Variants in SUN1 observed in about 807,000 individuals in gnomAD.
SUN1 encodes SUN domain-containing protein 1.
In SUN1, 61 loss-of-function variants were observed where a neutral mutation model predicts 103.2. That is an observed-to-expected ratio of 0.59 (90% CI 0.48 to 0.73). SUN1 has a LOEUF of 0.73. Ranked by LOEUF, SUN1 falls within the 30% of genes least tolerant of loss-of-function variation. The pLI is 0.00. For synonymous variants in SUN1, 490 were observed against 425.7 expected, an observed-to-expected ratio of 1.15 and a Z score of -1.86; for missense variants, 1,052 against 1,034.6, an observed-to-expected ratio of 1.02 and a Z score of -0.23.
At chr7:839,010 C>T (rs763835924) in intron 2 of SUN1, 24 bp downstream of exon 2, 3 of 1,513,034 alleles carry the variant, frequency 2.0e-6, no homozygotes, top group African/African-American at 2.8e-5. Context: ...CACTTCCTCT[C>T]CATCTGATCT....
At chr7:830,320 G>T (rs1796758486), upstream of SUN1, among the ~76,000 whole-genome samples, 1 of 152,200 alleles carries the variant, frequency 6.6e-6, no homozygotes, top group African/African-American at 2.4e-5. Context: ...TCAGGGTGGG[G>T]TTATTTTCTA....
At chr7:835,490 A>G (rs1802172538) in intron 1 of SUN1, among the ~76,000 whole-genome samples, 1 of 152,194 alleles carries the variant, frequency 6.6e-6, no homozygotes, top group Non-Finnish European at 1.5e-5. Context: ...CTCTTTCACA[A>G]TTAATTTTTT....
intron 1 of SUN1, among the ~76,000 whole-genome samples, chr7:818,467 T>C (rs1782953200): frequency 6.6e-6 from 1 of 152,256 alleles, no homozygotes; most frequent in Admixed American, 6.5e-5. Flanking sequence ...TGTTTGCACC[T>C]GTTGGCTAGT....
chr7:828,517 C>G (rs1275251740), upstream of SUN1, among the ~76,000 whole-genome samples: 1 of 152,204 alleles, frequency 6.6e-6, no homozygotes, highest in Non-Finnish European at 1.5e-5. Flanking sequence ...GGTGGTCTGC[C>G]TGCCTCTGCC....
At chr7:850,117 T>G (rs1820498196) in intron 5 of SUN1, 1 of 1,268,126 alleles carries the variant, frequency 7.9e-7, no homozygotes, top group African/African-American at 1.5e-5. Context: ...GGAATTCAAG[T>G]GCTTTAAAGT....
In SUN1 at chr7:851,928, T is replaced by C. The variant is rs1212274062; in HGVS notation, c.758-22T>C. ...TTTTCCTAAAAACATTTCCTTAGAA[T>C]GTTTGGTGTTTTCTCTTGTAGGGAA... On this transcript the variant is annotated intron_variant, in intron 6 of 18. Transcript: ENST00000401592. 3.1e-6 allele frequency: 5 copies of C among 1,610,614 alleles called. No individual in the cohort carries two copies. In the Admixed American group the frequency reaches 6.7e-5, roughly 22 times the overall value.
At chr7:846,601 A>T (rs1464973863) in intron 5 of SUN1, among the ~76,000 whole-genome samples, 1 of 152,004 alleles carries the variant, frequency 6.6e-6, no homozygotes, top group Non-Finnish European at 1.5e-5. Flanking sequence ...TAGGCTGGGT[A>T]CTGTGGCTCA....
rs1554263715 is a variant in SUN1, at chr7:854,906, T to G, written c.1264-14T>G. On this transcript the variant is annotated splice_polypyrimidine_tract_variant and intron_variant, in intron 10 of 18. Coordinates refer to ENST00000401592, the MANE Select transcript of SUN1 (RefSeq NM_001130965.3). ...ACTTTCTCCATCATTTGTTCACTCC[T>G]TCTCTTTCCTAAGACTGACTTTATG... is the stretch of plus-strand genomic sequence containing the variant. 1.9e-5 allele frequency: 30 copies of G among 1,602,808 alleles called. No individual in the cohort carries two copies. The highest frequency in any genetic ancestry group is 2.4e-5 in the Non-Finnish European group (28 of 1,172,750).
At chr7:854,877 C>A (rs750460212) in intron 10 of SUN1, 43 bp from the exon 11 acceptor site, 1 of 1,500,266 alleles carries the variant, frequency 6.7e-7, no homozygotes, top group Non-Finnish European at 9.2e-7. Context: ...GTTTTTGTTG[C>A]TTAACTTTCT....
chr7:835,734 T>A (rs959485314), intron 1 of SUN1, among the ~76,000 whole-genome samples: 28 of 152,230 alleles, frequency 1.8e-4, no homozygotes, highest in African/African-American at 6.3e-4. Flanking sequence ...CTGATGGATG[T>A]TGTCAGCTTG....
chr7:842,989 G>A lies in SUN1; in HGVS notation c.452-217G>A, dbSNP rs141073972. ...TAGGCCAGGTGCTGTGTGTGCTGCC[G>A]TCTGTCTGTATTTTCTTCAAGGATA... is the stretch of plus-strand genomic sequence containing the variant. On this transcript the variant is annotated intron_variant, in intron 3 of 18. Coordinates refer to ENST00000401592, the MANE Select transcript of SUN1 (RefSeq NM_001130965.3). 337 of 674,340 alleles carry A rather than the reference G, an allele frequency of 5.0e-4. 2 individuals are homozygous for A. The East Asian group carries it at 7.8e-3, about 16-fold the overall frequency. The allele number at this position is 674,340 out of a possible 1,614,324, so 41.8% of individuals were successfully genotyped here.
upstream of SUN1, among the ~76,000 whole-genome samples, chr7:828,236 ATG>A (rs1794467342): frequency 7.4e-6 from 1 of 135,944 alleles, no homozygotes; most frequent in African/African-American, 2.8e-5. Flanking sequence ...TAGGATATAT[ATG>A]TATGTTTTTG....
intron 1 of SUN1, among the ~76,000 whole-genome samples, chr7:822,597 G>T (rs1787301584): frequency 6.7e-6 from 1 of 150,316 alleles, no homozygotes; most frequent in Non-Finnish European, 1.5e-5. Flanking sequence ...TGTATCTGCA[G>T]TATGAAAAAC....
At chr7:837,990 A>G (rs1805140295) in intron 1 of SUN1, among the ~76,000 whole-genome samples, 1 of 152,246 alleles carries the variant, frequency 6.6e-6, no homozygotes, top group African/African-American at 2.4e-5. Context: ...CTCAGCCTCT[A>G]AGTTAAAGAA....
In SUN1 at chr7:874,116, T is replaced by C. The variant is rs1410970615; in HGVS notation, c.*785T>C. The stretch of plus-strand genomic sequence containing the variant: ...AAACCCAAAAATCTCATCTTGGGTG[T>C]TTTCAGGGCTTGTTTTGAGTTTTGC... On this transcript the variant is annotated 3_prime_UTR_variant, in exon 19 of 19. Transcript: ENST00000401592. 4 of 152,234 alleles carry C rather than the reference T, an allele frequency of 2.6e-5. No individual in the cohort carries two copies. Among genetic ancestry groups the C allele is most frequent in the African/African-American group, 9.7e-5 (4 of 41,444 alleles). 9.4% of individuals were successfully genotyped at this position (152,234 alleles called of 1,614,324 possible).
chr7:816,564 G>A (rs2128100360), upstream of SUN1: 1 of 395,394 alleles, frequency 2.5e-6, no homozygotes, highest in East Asian at 1.4e-4. Flanking sequence ...GAAGGCCTGC[G>A]TTGCTCCCGC....
At chr7:818,637 G>T (rs967261449) in intron 1 of SUN1, among the ~76,000 whole-genome samples, 1 of 152,110 alleles carries the variant, frequency 6.6e-6, no homozygotes, top group Non-Finnish European at 1.5e-5. Context: ...CACAGTGTCC[G>T]CACCATTTTA....
chr7:868,217 C>T (rs966354709), intron 16 of SUN1, among the ~76,000 whole-genome samples: 21 of 152,258 alleles, frequency 1.4e-4, no homozygotes, highest in Non-Finnish European at 2.4e-4. Flanking sequence ...TCCTCCGTTG[C>T]GCACAGCAAC....
upstream of SUN1, among the ~76,000 whole-genome samples, chr7:828,898 G>A (rs1445305637): frequency 6.6e-6 from 1 of 152,194 alleles, no homozygotes; most frequent in African/African-American, 2.4e-5. Flanking sequence ...CATGTCCAGG[G>A]CTTTCTGAGG....
Sources: allele counts gnomAD v4.1 joint callset (sites outside exome capture counted in the v4.1 genomes callset), GRCh38; gene constraint gnomAD v4.1.1; transcripts MANE v1.5; gene names NCBI Gene and HGNC (gene_info 2026-07-23, HGNC 2026-07-21).